CDK19: variants seen among roughly 807,000 people sequenced by gnomAD.
The protein encoded by CDK19 is cyclin dependent kinase 19.
A neutral mutation model predicts 68.3 loss-of-function variants in CDK19; 20 were observed. The observed-to-expected ratio is 0.29, with a 90% CI of 0.21 to 0.43. CDK19 has a LOEUF of 0.43. Ranked by LOEUF, CDK19 falls within the 20% of genes least tolerant of loss-of-function variation. CDK19 has a pLI of 1.00. For missense variants in CDK19, 339 were observed against 623.5 expected (o/e 0.54, Z 4.86); for synonymous variants, 221 against 222.8 (o/e 0.99, Z 0.07).
chr6:110,783,568 G>A (rs1181176420), intron 1 of CDK19, among the ~76,000 whole-genome samples: 1 of 149,968 alleles, frequency 6.7e-6, no homozygotes, highest in Non-Finnish European at 1.5e-5. Flanking sequence ...AACCCAGGAG[G>A]TGGAGGTTTC....
At chr6:110,690,337 T>C (rs1490433314) in intron 2 of CDK19, among the ~76,000 whole-genome samples, 1 of 152,224 alleles carries the variant, frequency 6.6e-6, no homozygotes, top group Non-Finnish European at 1.5e-5. Context: ...GCCAGACTAC[T>C]GGGTCAGAAG....
At chr6:110,742,607 T>C (rs1432873237) in intron 2 of CDK19, among the ~76,000 whole-genome samples, 1 of 152,124 alleles carries the variant, frequency 6.6e-6, no homozygotes, top group Non-Finnish European at 1.5e-5. Flanking sequence ...CAGCAAGGAA[T>C]ACCCTGGGGA....
rs535235456 is a variant in CDK19, at chr6:110,778,663, C to T, written c.129-32462G>A. On this transcript the variant is annotated intron_variant, in intron 1 of 12. Transcript: ENST00000368911. ...TGTGGCAACACTACTGGCTGCCTAG[C>T]ATACACCCATTCTCCCTTTCTTCCT... 9.8e-5 allele frequency among the ~76,000 whole-genome samples: 15 copies of T among 152,316 alleles called. 1 individual carries two copies. The South Asian group carries it at 3.1e-3, about 32-fold the overall frequency.
chr6:110,713,016 G>A (rs1167983606), intron 2 of CDK19, among the ~76,000 whole-genome samples: 1 of 151,876 alleles, frequency 6.6e-6, no homozygotes, highest in Non-Finnish European at 1.5e-5. Flanking sequence ...GGCCAACATG[G>A]TGAAACCCCG....
At position 110,721,865 on chromosome 6, in the gene CDK19, G is replaced by C. The variant is rs993431820; in HGVS notation, c.204+24261C>G. Among the ~76,000 whole-genome samples the C allele has an allele frequency of 2.3e-4, 35 of 152,258 alleles. 1 individual carries two copies. The highest frequency in any genetic ancestry group is 4.1e-4 in the South Asian group (2 of 4,826). On this transcript the variant is annotated intron_variant, in intron 2 of 12. Transcript: ENST00000368911. ...TGTAATCCCAGCAACTCGGGAGGCC[G>C]AGGCCGGAGAATCACTTGAACCAGG...
intron 2 of CDK19, among the ~76,000 whole-genome samples, chr6:110,731,373 G>T (rs1215692415): frequency 1.3e-5 from 2 of 152,122 alleles, no homozygotes; most frequent in East Asian, 3.9e-4. Context: ...AAGAATACTG[G>T]ATAGGCAAAT....
intron 2 of CDK19, among the ~76,000 whole-genome samples, chr6:110,703,848 A>T (rs1207458211): frequency 6.6e-6 from 1 of 152,312 alleles, no homozygotes; most frequent in African/African-American, 2.4e-5. Flanking sequence ...TCTAAAAAAT[A>T]AAAATTAAAA....
At chr6:110,702,142 AAAAAAT>A (rs1269910317) in intron 2 of CDK19, among the ~76,000 whole-genome samples, 1 of 151,706 alleles carries the variant, frequency 6.6e-6, no homozygotes, top group African/African-American at 2.4e-5. Flanking sequence ...TTCTGTCTCA[AAAAAAT>A]AAAAATAAAA....
At chr6:110,748,796 G>A (rs1218756197) in intron 1 of CDK19, among the ~76,000 whole-genome samples, 3 of 152,218 alleles carry the variant, frequency 2.0e-5, no homozygotes, top group South Asian at 2.1e-4. Context: ...CCCTCTCCAG[G>A]AGTTCCTCCA....
intron 1 of CDK19, among the ~76,000 whole-genome samples, chr6:110,786,574 T>C (rs963757629): frequency 2.6e-5 from 4 of 152,150 alleles, no homozygotes; most frequent in African/African-American, 9.7e-5. Flanking sequence ...TTTCATAATG[T>C]AGACAATCCT....
chr6:110,645,967 A>G, intron 4 of CDK19: 1 of 1,164,358 alleles, frequency 8.6e-7, no homozygotes. Context: ...GGCTTCTACA[A>G]CGAGCACATG....
intron 4 of CDK19, among the ~76,000 whole-genome samples, chr6:110,665,732 T>A (rs1220456148): frequency 6.6e-6 from 1 of 152,066 alleles, no homozygotes; most frequent in Admixed American, 6.6e-5. Flanking sequence ...TAGAACAACA[T>A]CATGTACCCA....
At chr6:110,721,081 T>C (rs1775841068) in intron 2 of CDK19, among the ~76,000 whole-genome samples, 2 of 150,254 alleles carry the variant, frequency 1.3e-5, no homozygotes, top group East Asian at 4.0e-4. Flanking sequence ...CTACTAAAAA[T>C]ACAAAAAAAT....
intron 1 of CDK19, among the ~76,000 whole-genome samples, chr6:110,799,161 A>AAG: frequency 6.6e-6 from 1 of 150,816 alleles, no homozygotes; most frequent in East Asian, 1.9e-4. Context: ...AAAAAAAAAA[A>AAG]AAAAAAAAAT....
At chr6:110,793,828 C>T (rs1355707632) in intron 1 of CDK19, among the ~76,000 whole-genome samples, 2 of 152,188 alleles carry the variant, frequency 1.3e-5, no homozygotes, top group South Asian at 2.1e-4. Context: ...TTTGGGACCA[C>T]ATGTACAAAA....
At chr6:110,794,172 A>G (rs967892951) in intron 1 of CDK19, among the ~76,000 whole-genome samples, 4 of 151,662 alleles carry the variant, frequency 2.6e-5, no homozygotes, top group African/African-American at 9.7e-5. Flanking sequence ...CAGCCTCCCA[A>G]GTAACTGGGA....
At chr6:110,663,538 T>G (rs1303510096) in intron 4 of CDK19, among the ~76,000 whole-genome samples, 1 of 152,164 alleles carries the variant, frequency 6.6e-6, no homozygotes, top group East Asian at 1.9e-4. Context: ...AAAGTTTCTT[T>G]TTCTTCAGAC....
chr6:110,752,541 C>G (rs1055853580), intron 1 of CDK19, among the ~76,000 whole-genome samples: 1 of 152,058 alleles, frequency 6.6e-6, no homozygotes, highest in Non-Finnish European at 1.5e-5. Context: ...CTTTCCTTTT[C>G]TGACAAAAAT....
chr6:110,647,386 G>C (rs750874296), intron 4 of CDK19, among the ~76,000 whole-genome samples: 2 of 151,912 alleles, frequency 1.3e-5, no homozygotes, highest in African/African-American at 2.4e-5. Flanking sequence ...AGTTGTGAAG[G>C]GGGGTGGGGG....
Sources: gnomAD v4.1 joint callset for allele counts (sites outside exome capture counted in the v4.1 genomes callset) on GRCh38, gnomAD v4.1.1 for gene constraint, MANE v1.5 for transcripts, NCBI Gene and HGNC (gene_info 2026-07-23, HGNC 2026-07-21) for gene names.